Variants in RCAN3 observed in about 807,000 individuals in gnomAD.
RCAN3 encodes the protein regulator of calcineurin 3, also known as calcipressin-3.
A neutral mutation model predicts 21.9 loss-of-function variants in RCAN3; 19 were observed. That is an observed-to-expected ratio of 0.87 (90% CI 0.61 to 1.27). RCAN3 has a LOEUF of 1.27. Among genes scored for constraint, RCAN3 ranks in the 50% most tolerant of loss-of-function variants. The pLI is 0.00. For synonymous variants in RCAN3, 114 were observed against 112.3 expected (o/e 1.01, Z -0.09); for missense variants, 240 against 300.1 (o/e 0.80, Z 1.48).
At position 24,535,448 on chromosome 1, in the gene RCAN3, T is replaced by C. The variant is rs926763847; in HGVS notation, c.*171T>C. ...CACGGTCGTGTAGAGTAGCAGCTGATTTGACCTGTCCCAGATTTTAAGTGA... is the reference window on the plus strand; with the variant it reads ...CACGGTCGTGTAGAGTAGCAGCTGACTTGACCTGTCCCAGATTTTAAGTGA... On this transcript the variant is annotated 3_prime_UTR_variant, in exon 5 of 5. Coordinates refer to ENST00000374395, the MANE Select transcript of RCAN3 (RefSeq NM_013441.4). The C allele has an allele frequency of 5.2e-6, 3 of 578,042 alleles. No individual in the cohort carries two copies. In the African/African-American group the frequency reaches 5.8e-5, roughly 11 times the overall value. 35.8% of individuals were successfully genotyped at this position (578,042 alleles called of 1,614,324 possible).
rs764104917 is a variant in RCAN3 at position 24,535,305 on chromosome 1, GC to G, written c.*31del. 1 of 1,508,144 alleles carries G rather than the reference GC, an allele frequency of 6.6e-7. No individual in the cohort carries two copies. The highest frequency in any genetic ancestry group is 2.4e-5 in the East Asian group (1 of 41,930). 93.4% of individuals were successfully genotyped at this position (1,508,144 alleles called of 1,614,324 possible). A position where few individuals can be genotyped will look rare whatever the true frequency, so the allele number is the denominator to read the frequency against. ...CCCTTGGTTGTGGTGCGAGGCGGCT[GC>G]CCTGGTGGGCTCTGGCCATGGCGCT... On this transcript the variant is annotated 3_prime_UTR_variant, in exon 5 of 5. Coordinates refer to ENST00000374395, the MANE Select transcript of RCAN3 (RefSeq NM_013441.4).
rs368181273 is a variant in RCAN3 at position 24,525,769 on chromosome 1, G to A, written c.196-5449G>A. ...TCATAGATTATGTCCTTCCCCTGCC[G>A]TCTGCAATCTTCTAAATCCCTTTCG... is the stretch of plus-strand genomic sequence containing the variant. On this transcript the variant is annotated intron_variant, in intron 2 of 4. Coordinates refer to ENST00000374395, the MANE Select transcript of RCAN3 (RefSeq NM_013441.4). This position sits in a 1 kb window ranked among gnomAD's most constrained non-coding sequence, Gnocchi z 4.1. Among the ~76,000 whole-genome samples the A allele has an allele frequency of 3.3e-5, 5 of 152,178 alleles. No homozygotes were observed. Among genetic ancestry groups the A allele is most frequent in the African/African-American group, 7.2e-5 (3 of 41,536 alleles).
At chr1:24,533,367 A>C in intron 4 of RCAN3, 113 bp downstream of exon 4, 6 of 818,152 alleles carry the variant, frequency 7.3e-6, no homozygotes, top group Non-Finnish European at 1.1e-5. Flanking sequence ...AAAGTCAAAC[A>C]CACCTGGGTT....
chr1:24,537,470 T>G lies in RCAN3; in HGVS notation c.*2193T>G, dbSNP rs1470626379. On this transcript the variant is annotated 3_prime_UTR_variant, in exon 5 of 5. Transcript: ENST00000374395. ...AATGAACCAGGATCTTAACAGATAC[T>G]ATCATCGCTGTCCTTTTTTGGCTGT... The G allele has an allele frequency of 1.3e-5, 2 of 152,216 alleles. No homozygotes were observed. The highest frequency in any genetic ancestry group is 2.9e-5 in the Non-Finnish European group (2 of 68,032). 9.4% of individuals were successfully genotyped at this position (152,216 alleles called of 1,614,324 possible). A position where few individuals can be genotyped will look rare whatever the true frequency, so the allele number is the denominator to read the frequency against.
rs938180911 is a variant in RCAN3, at chr1:24,525,646, A to T, written c.196-5572A>T. On this transcript the variant is annotated intron_variant, in intron 2 of 4. Coordinates refer to ENST00000374395, the MANE Select transcript of RCAN3 (RefSeq NM_013441.4). This position sits in a 1 kb window ranked among gnomAD's most constrained non-coding sequence, Gnocchi z 4.1. Reference sequence around the variant, plus strand: ...ATTCAGAAATTTCTAAAAGTGAGCTATTTCTGAAATAATTCTAAGGAGAAA... The same window carrying T: ...ATTCAGAAATTTCTAAAAGTGAGCTTTTTCTGAAATAATTCTAAGGAGAAA... Among the ~76,000 whole-genome samples the T allele has an allele frequency of 6.6e-6, 1 of 152,206 alleles. No homozygotes were observed.
chr1:24,503,507 G>A (rs1331504853), intron 1 of RCAN3, among the ~76,000 whole-genome samples: 1 of 152,230 alleles, frequency 6.6e-6, no homozygotes, highest in Non-Finnish European at 1.5e-5. Flanking sequence ...CGGTGTAGGG[G>A]CGCCTGGAAG....
chr1:24,512,959 C>G (rs1026340028), intron 1 of RCAN3, among the ~76,000 whole-genome samples: 1 of 152,130 alleles, frequency 6.6e-6, no homozygotes, highest in African/African-American at 2.4e-5. Context: ...AAAAAGGGAC[C>G]AGGCGCGGTG....
chr1:24,528,137 G>A (rs1020878113), intron 2 of RCAN3, among the ~76,000 whole-genome samples: 1 of 151,822 alleles, frequency 6.6e-6, no homozygotes, highest in Non-Finnish European at 1.5e-5. Context: ...AAGAGAAACT[G>A]TGGCTATAGG....
At chr1:24,506,531 A>G (rs1396071010) in intron 1 of RCAN3, among the ~76,000 whole-genome samples, 2 of 152,174 alleles carry the variant, frequency 1.3e-5, no homozygotes, top group African/African-American at 2.4e-5. Flanking sequence ...TAAAAGGGGT[A>G]TGCTCCATCT....
chr1:24,531,321 C>A lies in RCAN3; in HGVS notation c.299C>A (p.Ala100Glu). 1 of 1,613,832 alleles carries A rather than the reference C, an allele frequency of 6.2e-7. No homozygotes were observed. Among genetic ancestry groups the A allele is most frequent in the Non-Finnish European group, 8.5e-7 (1 of 1,179,854 alleles). ...ATAAATTTCAGCAAACCTGAAGCGG[C>A]AGCAAGAGCGCGAATAGAACTCCAC... ...VRINFSKPEA[A>E]ARARIELHET... The change falls in exon 3 of 5, where the codon GCA becomes GAA. Residue 100 changes from alanine to glutamate, a missense_variant. Physicochemically the swap from Ala to Glu is moderately radical, Grantham distance 107. Coordinates refer to ENST00000374395, the MANE Select transcript of RCAN3 (RefSeq NM_013441.4).
At chr1:24,511,227 C>T (rs937611952) in intron 1 of RCAN3, among the ~76,000 whole-genome samples, 1 of 152,072 alleles carries the variant, frequency 6.6e-6, no homozygotes, top group Non-Finnish European at 1.5e-5. Context: ...GCAGGAGAAT[C>T]GCTTGAACCC....
intron 2 of RCAN3, among the ~76,000 whole-genome samples, chr1:24,529,552 T>C (rs1373098555): frequency 5.3e-5 from 7 of 131,608 alleles, no homozygotes; most frequent in South Asian, 2.6e-4. Context: ...CTGTCTCTCT[T>C]TTTTTTTTTT....
In RCAN3 at chr1:24,540,394, T is replaced by C. The variant is rs1650434109; in HGVS notation, c.*5117T>C. ...AACAGAATCATATCCTGCAGACTCT[T>C]GGCACTCCTGCATAGCTTTGACCGA... On this transcript the variant is annotated 3_prime_UTR_variant, in exon 5 of 5. Coordinates refer to ENST00000374395, the MANE Select transcript of RCAN3 (RefSeq NM_013441.4). 1 of 152,282 alleles carries C rather than the reference T, an allele frequency of 6.6e-6. No homozygotes were observed. The highest frequency in any genetic ancestry group is 2.4e-5 in the African/African-American group (1 of 41,464). The allele number at this position is 152,282 out of a possible 1,614,324, so 9.4% of individuals were successfully genotyped here. A position where few individuals can be genotyped will look rare whatever the true frequency, so the allele number is the denominator to read the frequency against.
Position 24,531,222 on chromosome 1 carries a change from G to T in RCAN3, c.200G>T (p.Arg67Ile). 4 of 1,539,218 alleles carry T rather than the reference G, an allele frequency of 2.6e-6. No individual in the cohort carries two copies. The highest frequency in any genetic ancestry group is 3.5e-6 in the Non-Finnish European group (4 of 1,136,900). Residue 67 changes from arginine to isoleucine, a missense_variant, in exon 3 of 5, where the codon AGA becomes ATA. Transcript: ENST00000374395. Reference protein sequence around the residue: ...AVFEAREQKERFEALFTIYDD... With the variant: ...AVFEAREQKEIFEALFTIYDD... Reference sequence around the variant, plus strand: ...CTTGCTGCTCCTTAATTGTAGGAAAGATTTGAAGCACTCTTCACCATCTAT... The same window carrying T: ...CTTGCTGCTCCTTAATTGTAGGAAATATTTGAAGCACTCTTCACCATCTAT...
rs149577576 is a variant in RCAN3 at position 24,525,676 on chromosome 1, G to T, written c.196-5542G>T. ...TGAAATAATTCTAAGGAGAAAAATAGTCATTTGGTTTTTGAATGAACAGCT... is the reference window on the plus strand; with the variant it reads ...TGAAATAATTCTAAGGAGAAAAATATTCATTTGGTTTTTGAATGAACAGCT... On this transcript the variant is annotated intron_variant, in intron 2 of 4. Coordinates refer to ENST00000374395, the MANE Select transcript of RCAN3 (RefSeq NM_013441.4). The surrounding 1 kb of genome is among the most constrained non-coding windows in gnomAD (Gnocchi z 4.1). Among the ~76,000 whole-genome samples the T allele has an allele frequency of 1.7e-3, 256 of 152,298 alleles. 1 individual carries two copies. The highest frequency in any genetic ancestry group is 5.8e-3 in the African/African-American group (240 of 41,554).
At chr1:24,506,184 C>T (rs1309951369) in intron 1 of RCAN3, among the ~76,000 whole-genome samples, 1 of 152,084 alleles carries the variant, frequency 6.6e-6, no homozygotes, top group African/African-American at 2.4e-5. Context: ...AACTGAGGAA[C>T]AGTTTAGTCT....
Position 24,540,235 on chromosome 1 carries a change from G to C in RCAN3, c.*4958G>C, listed in dbSNP as rs1272965176. 1 of 152,446 alleles carries C rather than the reference G, an allele frequency of 6.6e-6. No homozygotes were observed. Among genetic ancestry groups the C allele is most frequent in the African/African-American group, 2.4e-5 (1 of 41,436 alleles). The allele number at this position is 152,446 out of a possible 1,614,324, so 9.4% of individuals were successfully genotyped here. A position where few individuals can be genotyped will look rare whatever the true frequency, so the allele number is the denominator to read the frequency against. The stretch of plus-strand genomic sequence containing the variant: ...TATAAAAATCATCACGTTCAAAGTA[G>C]AGTTTTTAGCCAAGGTCAAGAACTA... On this transcript the variant is annotated 3_prime_UTR_variant, in exon 5 of 5. Coordinates refer to ENST00000374395, the MANE Select transcript of RCAN3 (RefSeq NM_013441.4).
intron 1 of RCAN3, among the ~76,000 whole-genome samples, chr1:24,504,277 C>T (rs1647280142): frequency 6.6e-6 from 1 of 152,242 alleles, no homozygotes; most frequent in African/African-American, 2.4e-5. Context: ...GCCTCAACTT[C>T]CCAGGATCAA....
intron 3 of RCAN3, 104 bp from the exon 4 acceptor site, chr1:24,532,979 A>AAAAAAAG (rs1649904137): frequency 1.6e-6 from 1 of 618,112 alleles, no homozygotes; most frequent in African/African-American, 2.0e-5. Context: ...AAAAAAAGAA[A>AAAAAAAG]TGTTTAATTT....
Sources: gnomAD v4.1 joint callset for allele counts (sites outside exome capture counted in the v4.1 genomes callset) on GRCh38, gnomAD v4.1.1 for gene constraint, Gnocchi (gnomAD v3.1) non-coding constraint, MANE v1.5 for transcripts, NCBI Gene and HGNC (gene_info 2026-07-23, HGNC 2026-07-21) for gene names.